Variants in KCNJ6 observed in about 807,000 individuals in gnomAD.
KCNJ6 encodes potassium inwardly rectifying channel subfamily J member 6, also known as G protein-activated inward rectifier potassium channel 2.
Under a neutral mutation model 34.2 loss-of-function variants are expected in KCNJ6, and 9 were observed. The observed-to-expected ratio is 0.26, with a 90% CI of 0.16 to 0.46. The LOEUF is 0.46. Ranked by LOEUF, KCNJ6 falls within the 20% of genes least tolerant of loss-of-function variation. The probability of loss-of-function intolerance (pLI) is 1.00; values close to 1 mark genes in which losing one functional copy is unlikely to be tolerated. For synonymous variants in KCNJ6, 196 were observed against 207.1 expected (o/e 0.95, Z 0.46); for missense variants, 236 against 531.3 (o/e 0.44, Z 5.46).
chr21:37,728,698 G>GTGTATATATA (rs1491321788), intron 2 of KCNJ6, among the ~76,000 whole-genome samples: 1 of 150,208 alleles, frequency 6.7e-6, no homozygotes, highest in African/African-American at 2.5e-5. Context: ...GTGTGTGTGT[G>GTGTATATATA]TATATATATA....
At chr21:37,743,734 C>T (rs571564147) in intron 2 of KCNJ6, among the ~76,000 whole-genome samples, 2 of 152,046 alleles carry the variant, frequency 1.3e-5, no homozygotes, top group Admixed American at 1.3e-4. Flanking sequence ...TATAAATTAC[C>T]CAATATGCGG....
intron 3 of KCNJ6, among the ~76,000 whole-genome samples, chr21:37,631,223 T>G (rs1787331): frequency 0.69 from 104,338 of 151,944 alleles, 36,012 homozygotes; most frequent in East Asian, 0.83. Context: ...TAGAGAACCA[T>G]ACAGAAACAG....
intron 2 of KCNJ6, among the ~76,000 whole-genome samples, chr21:37,799,068 C>T (rs958649857): frequency 9.2e-5 from 14 of 152,158 alleles, no homozygotes; most frequent in African/African-American, 3.4e-4. Flanking sequence ...CCTCTCCCTC[C>T]TCCCATGCTC....
chr21:37,736,769 C>T (rs1459821011), intron 2 of KCNJ6, among the ~76,000 whole-genome samples: 1 of 152,186 alleles, frequency 6.6e-6, no homozygotes, highest in Admixed American at 6.5e-5. Flanking sequence ...GCCTGCAGCG[C>T]TGACAACCAT....
At chr21:37,762,329 A>G (rs2055069581) in intron 2 of KCNJ6, among the ~76,000 whole-genome samples, 1 of 152,140 alleles carries the variant, frequency 6.6e-6, no homozygotes, top group Non-Finnish European at 1.5e-5. Context: ...CAGCCCATGG[A>G]GAGCAGCTCA....
At chr21:37,882,386 CCA>C in intron 1 of KCNJ6, among the ~76,000 whole-genome samples, 1 of 152,246 alleles carries the variant, frequency 6.6e-6, no homozygotes, top group South Asian at 2.1e-4. Flanking sequence ...TAAACCTTAT[CCA>C]CAGAGGGCGA....
intron 2 of KCNJ6, among the ~76,000 whole-genome samples, chr21:37,813,229 A>G (rs1267568592): frequency 6.6e-6 from 1 of 152,228 alleles, no homozygotes; most frequent in Non-Finnish European, 1.5e-5. Context: ...AATGAAAACT[A>G]TAAAACATTG....
chr21:37,895,978 T>G, intron 1 of KCNJ6, among the ~76,000 whole-genome samples: 1 of 152,202 alleles, frequency 6.6e-6, no homozygotes, highest in East Asian at 1.9e-4. Flanking sequence ...GACTGGGTAC[T>G]TTATAAAGAA....
intron 3 of KCNJ6, among the ~76,000 whole-genome samples, chr21:37,650,560 CCTCT>C (rs1287231072): frequency 6.6e-6 from 1 of 152,184 alleles, no homozygotes; most frequent in Non-Finnish European, 1.5e-5. Context: ...GCTTCCTCTC[CCTCT>C]GTTTATTGAA....
chr21:37,771,800 G>T (rs76116721), intron 2 of KCNJ6, among the ~76,000 whole-genome samples: 1 of 152,012 alleles, frequency 6.6e-6, no homozygotes, highest in South Asian at 2.1e-4. Context: ...TGCTTTTTTC[G>T]GGGGGAAAAT....
chr21:37,717,999 G>C (rs549251652), intron 2 of KCNJ6, among the ~76,000 whole-genome samples: 1 of 152,302 alleles, frequency 6.6e-6, no homozygotes, highest in Admixed American at 6.5e-5. Flanking sequence ...AATGAGTAGC[G>C]ATCAGTGCTC....
chr21:37,712,737 TC>T, intron 3 of KCNJ6, among the ~76,000 whole-genome samples: 1 of 98,120 alleles, frequency 1.0e-5, no homozygotes, highest in African/African-American at 4.2e-5. Context: ...CCTCCCCTTC[TC>T]CTCCTCTCCT....
intron 2 of KCNJ6, among the ~76,000 whole-genome samples, chr21:37,728,460 C>T (rs1258207703): frequency 6.6e-6 from 1 of 151,868 alleles, no homozygotes; most frequent in African/African-American, 2.4e-5. Flanking sequence ...TATATTTTAC[C>T]ACAATGAAAA....
chr21:37,700,016 C>T (rs1214137895), intron 3 of KCNJ6, among the ~76,000 whole-genome samples: 7 of 152,042 alleles, frequency 4.6e-5, no homozygotes, highest in African/African-American at 7.3e-5. Context: ...AAGGCCACAC[C>T]TTATTTTTAG....
intron 2 of KCNJ6, among the ~76,000 whole-genome samples, chr21:37,733,523 CGCATCTCA>C (rs1319958849): frequency 6.6e-6 from 1 of 152,184 alleles, no homozygotes; most frequent in Non-Finnish European, 1.5e-5. Flanking sequence ...CAAACATCTC[CGCATCTCA>C]GCATCTTTCT....
At chr21:37,676,079 G>A (rs1317467005) in intron 3 of KCNJ6, among the ~76,000 whole-genome samples, 3 of 152,244 alleles carry the variant, frequency 2.0e-5, no homozygotes, top group Non-Finnish European at 4.4e-5. Context: ...CCACAGAACT[G>A]CAGGAGTGCT....
rs1209292377 is a variant in KCNJ6 at position 37,608,761 on chromosome 21, G to C, written c.*16398C>G. 1 of 152,236 alleles carries C rather than the reference G, an allele frequency of 6.6e-6. No homozygotes were observed. The highest frequency in any genetic ancestry group is 1.5e-5 in the Non-Finnish European group (1 of 68,050). 9.4% of individuals were successfully genotyped at this position (152,236 alleles called of 1,614,324 possible). On this transcript the variant is annotated 3_prime_UTR_variant, in exon 4 of 4. Coordinates refer to ENST00000609713, the MANE Select transcript of KCNJ6 (RefSeq NM_002240.5). ...GCCATGGGATTACAGGCTTGTTGAG[G>C]ACAGTGGGGGATGTTACTTTTTCTC...
chr21:37,678,407 G>C (rs902971172), intron 3 of KCNJ6, among the ~76,000 whole-genome samples: 2 of 152,164 alleles, frequency 1.3e-5, no homozygotes, highest in Non-Finnish European at 2.9e-5. Context: ...GAAACTTCTG[G>C]GATTGTATAG....
chr21:37,827,485 G>A (rs1041957594), intron 2 of KCNJ6, among the ~76,000 whole-genome samples: 11 of 151,458 alleles, frequency 7.3e-5, no homozygotes, highest in African/African-American at 2.7e-4. Flanking sequence ...AGTACCTAAT[G>A]GAAATTTATA....
Sources: allele counts gnomAD v4.1 joint callset (sites outside exome capture counted in the v4.1 genomes callset), GRCh38; gene constraint gnomAD v4.1.1; transcripts MANE v1.5; gene names NCBI Gene and HGNC (gene_info 2026-07-23, HGNC 2026-07-21).